The following RHOBTB2 variants were observed in gnomAD, a reference collection of about 807,000 sequenced individuals.
RHOBTB2 encodes the protein rho-related BTB domain-containing protein 2.
Under a neutral mutation model 66.5 loss-of-function variants are expected in RHOBTB2, and 39 were observed. The observed-to-expected ratio is 0.59, with a 90% confidence interval of 0.45 to 0.77. The LOEUF is 0.77. Among genes scored for constraint, RHOBTB2 ranks in the 30% least tolerant of loss-of-function variants. The pLI is 0.00. For missense variants in RHOBTB2, 755 were observed against 999.1 expected (o/e 0.76, Z 3.29); for synonymous variants, 390 against 395.0 (o/e 0.99, Z 0.15).
Position 23,006,535 on chromosome 8 carries a change from G to A in RHOBTB2, c.483-193G>A. ...GGTCACTGGGGCCTGGCATAGTAGGGAAAGCTTTCTGGAAGAAAAAGGGCT... is the reference window on the plus strand; with the variant it reads ...GGTCACTGGGGCCTGGCATAGTAGGAAAAGCTTTCTGGAAGAAAAAGGGCT... On this transcript the variant is annotated intron_variant, in intron 4 of 9. Transcript: ENST00000251822. The surrounding 1 kb of genome is among the most constrained non-coding windows in gnomAD (Gnocchi z 6.1). 2 of 620,422 alleles carry A rather than the reference G, an allele frequency of 3.2e-6. No homozygotes were observed. The highest frequency in any genetic ancestry group is 5.6e-6 in the Non-Finnish European group (2 of 355,714). 38.4% of individuals were successfully genotyped at this position (620,422 alleles called of 1,614,324 possible). A position where few individuals can be genotyped will look rare whatever the true frequency, so the allele number is the denominator to read the frequency against.
chr8:22,983,616 T>G (rs144192804), upstream of RHOBTB2, among the ~76,000 whole-genome samples: 36 of 152,344 alleles, frequency 2.4e-4, no homozygotes, highest in African/African-American at 8.2e-4. Context: ...TAGGTTTTAC[T>G]TTTCTACCTT....
In RHOBTB2 at chr8:23,008,068, C is replaced by T. The variant is rs1416589963; in HGVS notation, c.1577C>T (p.Ala526Val). The change falls in exon 6 of 10, where the codon GCT (alanine) becomes GTT (valine). Residue 526 changes from alanine to valine, a missense_variant. Ala to Val is a moderately conservative substitution (Grantham distance 64). Around this residue, in one of 7 missense-constraint regions of RHOBTB2, gnomAD observed 353 missense variants for 458.2 expected, o/e 0.77. Coordinates refer to ENST00000251822, the MANE Select transcript of RHOBTB2 (RefSeq NM_015178.3). Reference sequence around the variant, plus strand: ...TTGATTTCCAGCTGTGACTGGATGGCTGCCATGTTTGGGGGGCCATTTGTG... The same window carrying T: ...TTGATTTCCAGCTGTGACTGGATGGTTGCCATGTTTGGGGGGCCATTTGTG... ...PLLISSCDWM[A>V]AMFGGPFVES... is the part of the protein sequence containing the mutation. 1 of 1,613,198 alleles carries T rather than the reference C, an allele frequency of 6.2e-7. No individual in the cohort carries two copies. The highest frequency in any genetic ancestry group is 2.2e-5 in the East Asian group (1 of 44,878).
chr8:22,995,925 AG>A, upstream of RHOBTB2: 1 of 1,540,850 alleles, frequency 6.5e-7, no homozygotes, highest in Non-Finnish European at 8.8e-7. Flanking sequence ...CTGCCTGTGA[AG>A]CAAAGGGAAG....
At chr8:22,963,289 T>C in the RHOBTB2 span, among the ~76,000 whole-genome samples, 1 of 152,216 alleles carries the variant, frequency 6.6e-6, no homozygotes, top group East Asian at 1.9e-4. Context: ...CTAAGATTTA[T>C]AAAAGTAAGT....
chr8:22,991,432 G>A (rs1810423460), intron 1 of RHOBTB2, among the ~76,000 whole-genome samples: 3 of 152,176 alleles, frequency 2.0e-5, no homozygotes, highest in Non-Finnish European at 2.9e-5. Flanking sequence ...GGAGAAGTGA[G>A]GAGGAAAGAA....
At chr8:22,955,209 TA>T in the RHOBTB2 span, among the ~76,000 whole-genome samples, 1 of 152,112 alleles carries the variant, frequency 6.6e-6, no homozygotes, top group African/African-American at 2.4e-5. Context: ...CCAGAATGTA[TA>T]AAGAGCTCCT....
chr8:22,983,213 C>T (rs1450416174), upstream of RHOBTB2, among the ~76,000 whole-genome samples: 1 of 151,870 alleles, frequency 6.6e-6, no homozygotes, highest in Non-Finnish European at 1.5e-5. Context: ...ATTCTGGGAA[C>T]TACGGTGGAT....
chr8:22,968,382 G>A, the RHOBTB2 span, among the ~76,000 whole-genome samples: 3,141 of 151,660 alleles, frequency 0.021, 69 homozygotes, highest in African/African-American at 0.049. Flanking sequence ...AAAAAATATC[G>A]AATAAATGGA....
At chr8:22,991,478 G>A (rs185303077) in intron 1 of RHOBTB2, among the ~76,000 whole-genome samples, 2 of 152,328 alleles carry the variant, frequency 1.3e-5, no homozygotes, top group African/African-American at 4.8e-5. Flanking sequence ...GGGCTGGAGG[G>A]TCTTTGATGG....
chr8:23,007,817 C>T (rs1811020043), intron 5 of RHOBTB2, 71 bp downstream of exon 5: 2 of 1,564,786 alleles, frequency 1.3e-6, no homozygotes, highest in Non-Finnish European at 1.7e-6. Context: ...TGTCTCAGCT[C>T]CTGGTGTCCT....
At chr8:23,013,797 G>A (rs1051369406) in intron 7 of RHOBTB2, among the ~76,000 whole-genome samples, 2 of 152,204 alleles carry the variant, frequency 1.3e-5, no homozygotes, top group South Asian at 4.1e-4. Context: ...TGCCCGGCCA[G>A]TTGTTTGTTT....
chr8:22,961,560 T>C, the RHOBTB2 span, among the ~76,000 whole-genome samples: 2 of 152,190 alleles, frequency 1.3e-5, no homozygotes, highest in Admixed American at 6.5e-5. Flanking sequence ...AACTCATTGG[T>C]CTTTGTTTTT....
At chr8:22,993,677 C>T (rs1357308432) in intron 2 of RHOBTB2, among the ~76,000 whole-genome samples, 2 of 152,226 alleles carry the variant, frequency 1.3e-5, no homozygotes, top group African/African-American at 4.8e-5. Flanking sequence ...GGTTTCTTTT[C>T]ACTCCTGGGA....
chr8:22,960,934 T>G, the RHOBTB2 span, among the ~76,000 whole-genome samples: 1 of 152,192 alleles, frequency 6.6e-6, no homozygotes, highest in African/African-American at 2.4e-5. Flanking sequence ...AAAAGTTATT[T>G]CTAGCCCTGA....
chr8:22,960,968 T>C, the RHOBTB2 span, among the ~76,000 whole-genome samples: 1 of 152,208 alleles, frequency 6.6e-6, no homozygotes, highest in South Asian at 2.1e-4. Context: ...AGCCTGCTTG[T>C]AACCATGGAG....
chr8:22,951,628 T>C, the RHOBTB2 span, among the ~76,000 whole-genome samples: 1 of 151,998 alleles, frequency 6.6e-6, no homozygotes, highest in Non-Finnish European at 1.5e-5. Context: ...TTCTTAACAG[T>C]GGGGGAGATT....
At chr8:22,959,767 T>C in the RHOBTB2 span, among the ~76,000 whole-genome samples, 1 of 152,080 alleles carries the variant, frequency 6.6e-6, no homozygotes, top group South Asian at 2.1e-4. Context: ...ATTAAGGCTG[T>C]TCAGGCAGAA....
Position 23,020,168 on chromosome 8 carries a change from G to A in RHOBTB2, c.*2699G>A, listed in dbSNP as rs565736584. The A allele has an allele frequency of 1.2e-3, 513 of 414,358 alleles. 5 individuals are homozygous for A. Among genetic ancestry groups the A allele is most frequent in the Non-Finnish European group, 1.5e-3 (309 of 206,018 alleles). 25.7% of individuals were successfully genotyped at this position (414,358 alleles called of 1,614,324 possible). A position where few individuals can be genotyped will look rare whatever the true frequency, so the allele number is the denominator to read the frequency against. ...AGGTTTCATATTTAATTTGGTCATG[G>A]ATTCATAAATACATAAGTATTTTGT... On this transcript the variant is annotated 3_prime_UTR_variant, in exon 10 of 10. Transcript: ENST00000251822.
the RHOBTB2 span, among the ~76,000 whole-genome samples, chr8:22,954,193 G>A: frequency 6.6e-6 from 1 of 152,186 alleles, no homozygotes; most frequent in Admixed American, 6.5e-5. Context: ...GCAATCCAAG[G>A]AATGGACACA....
Sources: allele counts gnomAD v4.1 joint callset (sites outside exome capture counted in the v4.1 genomes callset), GRCh38; gene constraint gnomAD v4.1.1; regional missense constraint gnomAD v4.1.1; non-coding constraint Gnocchi (gnomAD v3.1); transcripts MANE v1.5; gene names NCBI Gene and HGNC (gene_info 2026-07-23, HGNC 2026-07-21).